Variants in MYSM1 observed in about 807,000 individuals in gnomAD.
The protein encoded by MYSM1 is Myb like, SWIRM and MPN domains 1.
In MYSM1, 51 loss-of-function variants were observed where a neutral mutation model predicts 116.0. The observed-to-expected ratio is 0.44, with a 90% CI of 0.35 to 0.56. The LOEUF (loss-of-function observed/expected upper bound fraction) is 0.56. Ranked by LOEUF, MYSM1 falls within the 20% of genes least tolerant of loss-of-function variation. The pLI is 0.00. For missense variants in MYSM1, 900 were observed against 974.9 expected (o/e 0.92, Z 1.02); for synonymous variants, 313 against 315.2 (o/e 0.99, Z 0.07).
intron 8 of MYSM1, among the ~76,000 whole-genome samples, chr1:58,677,907 G>A (rs1644677699): frequency 6.6e-6 from 1 of 152,128 alleles, no homozygotes; most frequent in African/African-American, 2.4e-5. Context: ...CAGGATTCAA[G>A]TATAGATATT....
At chr1:58,662,779 C>CTGA (rs569309775) in intron 17 of MYSM1, among the ~76,000 whole-genome samples, 5 of 152,068 alleles carry the variant, frequency 3.3e-5, no homozygotes, top group Non-Finnish European at 7.4e-5. Context: ...GACAGCAAGC[C>CTGA]TGATGATGAT....
rs1284408432 is a variant in MYSM1, at chr1:58,654,790, T to C, written c.*5207A>G. 1.3e-5 allele frequency: 2 copies of C among 152,224 alleles called. No individual in the cohort carries two copies. Among genetic ancestry groups the C allele is most frequent in the African/African-American group, 4.8e-5 (2 of 41,466 alleles). 9.4% of individuals were successfully genotyped at this position (152,224 alleles called of 1,614,324 possible). ...TATGGAATTTTCAGCATGTTTAAAC[T>C]TAATTTTTAGAACAAAATCCAAAAG... On this transcript the variant is annotated 3_prime_UTR_variant, in exon 20 of 20. Coordinates refer to ENST00000472487, the MANE Select transcript of MYSM1 (RefSeq NM_001085487.3).
intron 3 of MYSM1, among the ~76,000 whole-genome samples, chr1:58,691,236 A>G (rs951116070): frequency 6.6e-6 from 1 of 151,642 alleles, no homozygotes; most frequent in Non-Finnish European, 1.5e-5. Flanking sequence ...GCCAAGTTTG[A>G]GCCACTGCAC....
At chr1:58,698,102 A>ATATATATATTTTTTTTTTT in intron 1 of MYSM1, among the ~76,000 whole-genome samples, 9 of 7,768 alleles carry the variant, frequency 1.2e-3, no homozygotes, top group Admixed American at 2.1e-3. Context: ...ATATATATAT[A>ATATATATATTTTTTTTTTT]TTTTTTTTTT....
intron 1 of MYSM1, among the ~76,000 whole-genome samples, chr1:58,695,610 G>T (rs553347991): frequency 2.0e-4 from 30 of 150,586 alleles, no homozygotes; most frequent in Non-Finnish European, 3.7e-4. Flanking sequence ...CCTTTTAGCT[G>T]TATCTAAATT....
At chr1:58,688,702 A>T (rs1019274647) in intron 6 of MYSM1, among the ~76,000 whole-genome samples, 3 of 152,150 alleles carry the variant, frequency 2.0e-5, no homozygotes, top group African/African-American at 7.2e-5. Flanking sequence ...TTTCAAAAAA[A>T]AAAAGAGATT....
chr1:58,658,958 A>AACACACACACACACACACACACACACAC lies in MYSM1; in HGVS notation c.*1011_*1038dup, dbSNP rs57899209. The AACACACACACACACACACACACACACAC allele has an allele frequency of 7.3e-6, 1 of 137,878 alleles. No homozygotes were observed. 8.5% of individuals were successfully genotyped at this position (137,878 alleles called of 1,614,324 possible). A position where few individuals can be genotyped will look rare whatever the true frequency, so the allele number is the denominator to read the frequency against. On this transcript the variant is annotated 3_prime_UTR_variant, in exon 20 of 20. Coordinates refer to ENST00000472487, the MANE Select transcript of MYSM1 (RefSeq NM_001085487.3). Reference sequence around the variant, plus strand: ...TTTTTATCATTTTAAAGGGCTGTAAAACACACACACACACACACACACACA... The same window carrying AACACACACACACACACACACACACACAC: ...TTTTTATCATTTTAAAGGGCTGTAAAACACACACACACACACACACACACACACACACACACACACACACACACACACA...
chr1:58,671,794 C>A, intron 12 of MYSM1, 76 bp downstream of exon 12: 1 of 1,046,354 alleles, frequency 9.6e-7, no homozygotes, highest in Non-Finnish European at 1.4e-6. Flanking sequence ...TATAATGCAG[C>A]TATTGAATAT....
At chr1:58,694,601 C>G (rs944684358) in intron 2 of MYSM1, among the ~76,000 whole-genome samples, 10 of 148,608 alleles carry the variant, frequency 6.7e-5, no homozygotes, top group Middle Eastern at 3.4e-3. Flanking sequence ...AGCCTGGCGA[C>G]AAAGAGACTG....
At chr1:58,682,680 CT>C in intron 7 of MYSM1, 135 bp from the exon 8 acceptor site, 7 of 312,960 alleles carry the variant, frequency 2.2e-5, no homozygotes. Flanking sequence ...CTCTAATGCG[CT>C]TTTCTTTTTT....
At chr1:58,664,109 CTTACAT>C (rs984303074) in intron 17 of MYSM1, among the ~76,000 whole-genome samples, 25 of 152,112 alleles carry the variant, frequency 1.6e-4, no homozygotes, top group Non-Finnish European at 2.9e-4. Context: ...TTCTAATCAA[CTTACAT>C]TTAAAGTCAC....
At chr1:58,693,252 ACT>A (rs1287527951) in intron 2 of MYSM1, among the ~76,000 whole-genome samples, 1 of 152,082 alleles carries the variant, frequency 6.6e-6, no homozygotes, top group African/African-American at 2.4e-5. Flanking sequence ...GGCATCAGAC[ACT>A]CTGTCAGACA....
At chr1:58,663,960 T>G (rs1395800872) in intron 17 of MYSM1, among the ~76,000 whole-genome samples, 3 of 152,202 alleles carry the variant, frequency 2.0e-5, no homozygotes, top group African/African-American at 7.2e-5. Context: ...GCAATCGTAT[T>G]CCTTTGCTGC....
At chr1:58,681,522 T>A (rs1644741311) in intron 8 of MYSM1, among the ~76,000 whole-genome samples, 2 of 152,216 alleles carry the variant, frequency 1.3e-5, no homozygotes, top group Non-Finnish European at 2.9e-5. Flanking sequence ...CCTAACGCTG[T>A]CCTAGGAGAC....
chr1:58,670,860 G>A (rs1358953974), intron 12 of MYSM1, among the ~76,000 whole-genome samples: 2 of 152,096 alleles, frequency 1.3e-5, no homozygotes, highest in African/African-American at 2.4e-5. Flanking sequence ...AAGTGGATCT[G>A]GATTCAAAAA....
At chr1:58,671,439 T>C (rs12082097) in intron 12 of MYSM1, among the ~76,000 whole-genome samples, 85,822 of 151,438 alleles carry the variant, frequency 0.57, 24,573 homozygotes, top group East Asian at 0.63. Context: ...GAAGAGGGAA[T>C]AGAAAATCGG....
chr1:58,697,957 A>G lies in MYSM1; in HGVS notation c.68+2028T>C, dbSNP rs980313530. ...ACTTACCAAGTGCTTAAAAGTGTCT[A>G]TTAAATTAATTCTCAACGGTTTCAC... is the stretch of plus-strand genomic sequence containing the variant. On this transcript the variant is annotated intron_variant, in intron 1 of 19. Coordinates refer to ENST00000472487, the MANE Select transcript of MYSM1 (RefSeq NM_001085487.3). 1.6e-4 allele frequency among the ~76,000 whole-genome samples: 24 copies of G among 150,916 alleles called. No individual in the cohort carries two copies. The South Asian group carries it at 3.2e-3, about 20-fold the overall frequency.
chr1:58,692,163 C>A (rs1644914418), intron 3 of MYSM1, among the ~76,000 whole-genome samples: 1 of 152,032 alleles, frequency 6.6e-6, no homozygotes, highest in South Asian at 2.1e-4. Flanking sequence ...ATTAAAGGTA[C>A]AGAGACACTC....
chr1:58,699,680 G>C, intron 1 of MYSM1: 2 of 985,426 alleles, frequency 2.0e-6, no homozygotes, highest in East Asian at 1.1e-4. Context: ...ATCCTGAAAA[G>C]GAGGGAACGG....
Sources: allele counts gnomAD v4.1 joint callset (sites outside exome capture counted in the v4.1 genomes callset), GRCh38; gene constraint gnomAD v4.1.1; transcripts MANE v1.5; gene names NCBI Gene and HGNC (gene_info 2026-07-23, HGNC 2026-07-21).